CDKL4: variants seen among roughly 807,000 people sequenced by gnomAD.
CDKL4 encodes cyclin dependent kinase like 4, also known as cyclin-dependent kinase-like 4.
A neutral mutation model predicts 42.0 loss-of-function variants in CDKL4; 44 were observed. That is an observed-to-expected ratio of 1.05 (90% CI 0.82 to 1.35). CDKL4 has a LOEUF of 1.35. Among genes scored for constraint, CDKL4 ranks in the 40% most tolerant of loss-of-function variants. The probability of loss-of-function intolerance (pLI) is 0.00; values close to 1 mark genes in which losing one functional copy is unlikely to be tolerated. For missense variants in CDKL4, 393 were observed against 369.9 expected (o/e 1.06, Z -0.51); for synonymous variants, 120 against 121.6 (o/e 0.99, Z 0.09).
At chr2:39,226,465 TTATA>T (rs1491102430) in intron 2 of CDKL4, among the ~76,000 whole-genome samples, 1 of 102,768 alleles carries the variant, frequency 9.7e-6, no homozygotes, top group African/African-American at 2.8e-5. Context: ...ATTATATATA[TTATA>T]TATATATAAT....
chr2:39,237,096 TCAGA>T, intron 1 of CDKL4, among the ~76,000 whole-genome samples: 1 of 152,072 alleles, frequency 6.6e-6, no homozygotes, highest in Non-Finnish European at 1.5e-5. Flanking sequence ...CAGATGAAAG[TCAGA>T]CAAAGAAATC....
chr2:39,207,165 C>T (rs942308399), intron 4 of CDKL4, among the ~76,000 whole-genome samples: 1 of 152,094 alleles, frequency 6.6e-6, no homozygotes, highest in South Asian at 2.1e-4. Context: ...GTGGGCGGAT[C>T]GCTTGTGCCC....
chr2:39,187,470 C>T (rs908013500), intron 7 of CDKL4, among the ~76,000 whole-genome samples, 157 bp downstream of exon 7: 1 of 151,324 alleles, frequency 6.6e-6, no homozygotes, highest in Non-Finnish European at 1.5e-5. Flanking sequence ...ACTTGAGTCT[C>T]GGAGGTTGAG....
intron 7 of CDKL4, 147 bp from the exon 8 acceptor site, chr2:39,184,794 G>C: frequency 1.7e-6 from 1 of 580,306 alleles, no homozygotes. Flanking sequence ...CAGTGCAGTG[G>C]CATGATCATA....
upstream of CDKL4, among the ~76,000 whole-genome samples, chr2:39,245,400 T>C (rs1203572812): frequency 6.6e-6 from 1 of 151,860 alleles, no homozygotes; most frequent in Admixed American, 6.6e-5. Flanking sequence ...CGAACACATC[T>C]GAACATCAGA....
intron 9 of CDKL4, chr2:39,178,763 T>C: frequency 6.3e-7 from 1 of 1,597,216 alleles, no homozygotes; most frequent in Non-Finnish European, 8.5e-7. Context: ...GTGCCTGCTG[T>C]GGGTGAAAAG....
At chr2:39,217,457 T>C (rs1332370989) in intron 3 of CDKL4, among the ~76,000 whole-genome samples, 2 of 152,212 alleles carry the variant, frequency 1.3e-5, no homozygotes, top group Admixed American at 1.3e-4. Context: ...ACCTGGAAGT[T>C]TGTTATAAAA....
At position 39,184,601 on chromosome 2, in the gene CDKL4, T is replaced by A. The variant is rs1447384484; in HGVS notation, c.782A>T (p.Asn261Ile). 1.9e-6 allele frequency: 3 copies of A among 1,610,912 alleles called. No homozygotes were observed. The East Asian group carries it at 6.7e-5, about 36-fold the overall frequency. ...TTGATTCTTAAGTACCTTCATGAAGTTCAGAGCCACAGGATGAACATCTGA... is the reference window on the plus strand; with the variant it reads ...TTGATTCTTAAGTACCTTCATGAAGATCAGAGCCACAGGATGAACATCTGA... The change falls in exon 8 of 10, where the codon AAC becomes ATC. Residue 261 changes from asparagine (N) to isoleucine (I), a missense_variant. Transcript: ENST00000451199.
intron 5 of CDKL4, among the ~76,000 whole-genome samples, chr2:39,198,931 A>G (rs1027751378): frequency 6.6e-6 from 1 of 152,158 alleles, no homozygotes; most frequent in African/African-American, 2.4e-5. Flanking sequence ...AAGGAGCTAG[A>G]GAAAGAGGAA....
intron 1 of CDKL4, among the ~76,000 whole-genome samples, chr2:39,232,119 A>G (rs1454822372): frequency 2.0e-5 from 3 of 152,192 alleles, no homozygotes; most frequent in Non-Finnish European, 2.9e-5. Flanking sequence ...TTTTTTCTCA[A>G]CAGATTCAGT....
intron 2 of CDKL4, among the ~76,000 whole-genome samples, chr2:39,227,265 A>C (rs1443653585): frequency 6.6e-6 from 1 of 152,228 alleles, no homozygotes; most frequent in Non-Finnish European, 1.5e-5. Context: ...CCATTTACCC[A>C]GAAAGATACT....
intron 2 of CDKL4, among the ~76,000 whole-genome samples, chr2:39,226,488 T>C (rs1403077176): frequency 6.9e-6 from 1 of 145,246 alleles, no homozygotes; most frequent in Non-Finnish European, 1.5e-5. Flanking sequence ...ATATATATTA[T>C]ATATTTTCAG....
intron 9 of CDKL4, chr2:39,178,980 G>T: frequency 7.0e-7 from 1 of 1,436,718 alleles, no homozygotes; most frequent in Non-Finnish European, 9.1e-7. Context: ...GGTGTGTTTG[G>T]AATAAGATTT....
chr2:39,208,612 G>C (rs1256205294), intron 4 of CDKL4, among the ~76,000 whole-genome samples: 1 of 151,962 alleles, frequency 6.6e-6, no homozygotes, highest in Admixed American at 6.6e-5. Context: ...CAAAGTGCTG[G>C]GATTACAGGC....
chr2:39,207,446 C>A (rs1290816094), intron 4 of CDKL4, among the ~76,000 whole-genome samples: 5 of 152,090 alleles, frequency 3.3e-5, no homozygotes, highest in Non-Finnish European at 5.9e-5. Flanking sequence ...ACCTTTTAAG[C>A]AACACACTTA....
At chr2:39,231,711 G>C (rs890439902) in intron 1 of CDKL4, among the ~76,000 whole-genome samples, 1 of 152,182 alleles carries the variant, frequency 6.6e-6, no homozygotes, top group Non-Finnish European at 1.5e-5. Flanking sequence ...CATAGTAATA[G>C]ATGGCTGGAA....
chr2:39,215,842 C>A lies in CDKL4; in HGVS notation c.291-2370G>T, dbSNP rs58697537. Among the ~76,000 whole-genome samples, 205 of 152,294 alleles carry A rather than the reference C, an allele frequency of 1.3e-3. 3 individuals carry two copies. In the East Asian group the frequency reaches 0.021, roughly 15 times the overall value. ...TCAGTGGCCCAGTGGCAACCCTTGACCCCAGTTCTCCTAATTATTAATATT... is the reference window on the plus strand; with the variant it reads ...TCAGTGGCCCAGTGGCAACCCTTGAACCCAGTTCTCCTAATTATTAATATT... On this transcript the variant is annotated intron_variant, in intron 3 of 9. Transcript: ENST00000451199.
intron 3 of CDKL4, among the ~76,000 whole-genome samples, chr2:39,217,322 C>A (rs1194511786): frequency 6.6e-6 from 1 of 152,134 alleles, no homozygotes. Context: ...CATGAGACAT[C>A]ACAGTTCAAG....
chr2:39,191,847 A>G (rs1465244173), intron 5 of CDKL4, among the ~76,000 whole-genome samples: 1 of 152,194 alleles, frequency 6.6e-6, no homozygotes, highest in African/African-American at 2.4e-5. Flanking sequence ...GGAGCTGTAC[A>G]AATGCATTAC....
Sources: allele counts gnomAD v4.1 joint callset (sites outside exome capture counted in the v4.1 genomes callset), GRCh38; gene constraint gnomAD v4.1.1; transcripts MANE v1.5; gene names NCBI Gene and HGNC (gene_info 2026-07-23, HGNC 2026-07-21).